CDH18: variants seen among roughly 807,000 people sequenced by gnomAD.
The protein encoded by CDH18 is cadherin 18, also known as cadherin-18.
In CDH18, 31 loss-of-function variants were observed where a neutral mutation model predicts 67.9. The observed-to-expected ratio is 0.46, with a 90% CI of 0.34 to 0.62. The LOEUF is 0.62. CDH18 is among the 20% of genes least tolerant of loss of function. The pLI is 0.01. For synonymous variants in CDH18, 362 were observed against 347.2 expected, an observed-to-expected ratio of 1.04 and a Z score of -0.48; for missense variants, 890 against 975.5, an observed-to-expected ratio of 0.91 and a Z score of 1.17.
At chr5:19,806,058 T>C (rs1030678850) in intron 3 of CDH18, among the ~76,000 whole-genome samples, 3 of 152,232 alleles carry the variant, frequency 2.0e-5, no homozygotes, top group Admixed American at 2.0e-4. Flanking sequence ...CCGTTACCCC[T>C]GTTTGTCCTT....
intron 1 of CDH18, among the ~76,000 whole-genome samples, chr5:20,318,071 A>G (rs998528866): frequency 2.6e-5 from 4 of 152,182 alleles, no homozygotes; most frequent in African/African-American, 7.2e-5. Flanking sequence ...TTTATTGAGC[A>G]TGGAGGTGCT....
intron 1 of CDH18, among the ~76,000 whole-genome samples, chr5:20,364,025 A>G (rs1329887775): frequency 6.6e-6 from 1 of 152,104 alleles, no homozygotes; most frequent in African/African-American, 2.4e-5. Flanking sequence ...AGGCTTCCCA[A>G]TGCCTTTCCA....
intron 8 of CDH18, among the ~76,000 whole-genome samples, chr5:19,558,197 A>G (rs1738788515): frequency 1.3e-5 from 2 of 152,226 alleles, no homozygotes; most frequent in East Asian, 3.9e-4. Context: ...AAAGTCTGAA[A>G]GGGTACAAAT....
At chr5:19,559,646 G>A (rs1021899794) in intron 8 of CDH18, among the ~76,000 whole-genome samples, 2 of 151,934 alleles carry the variant, frequency 1.3e-5, no homozygotes, top group African/African-American at 4.8e-5. Context: ...TCAAGTAGCA[G>A]AAGTCCTAGC....
At chr5:20,053,892 G>A (rs1580132468) in intron 2 of CDH18, among the ~76,000 whole-genome samples, 2 of 152,076 alleles carry the variant, frequency 1.3e-5, no homozygotes, top group African/African-American at 2.4e-5. Flanking sequence ...GCTTCAAGGT[G>A]AGACAATGCT....
chr5:20,070,373 T>C (rs953103870), intron 2 of CDH18, among the ~76,000 whole-genome samples: 2 of 152,180 alleles, frequency 1.3e-5, no homozygotes, highest in African/African-American at 4.8e-5. Flanking sequence ...TTTGGTAAGA[T>C]TATTGTCTGC....
chr5:20,465,319 A>G (rs1751562831), intron 1 of CDH18, among the ~76,000 whole-genome samples: 1 of 152,072 alleles, frequency 6.6e-6, no homozygotes, highest in African/African-American at 2.4e-5. Flanking sequence ...TGCTAATAAT[A>G]ATAACAGCAT....
intron 5 of CDH18, among the ~76,000 whole-genome samples, chr5:19,668,156 G>A (rs1758225637): frequency 6.6e-6 from 1 of 152,000 alleles, no homozygotes; most frequent in Non-Finnish European, 1.5e-5. Context: ...TGCTTGGGCA[G>A]TTACAAATTA....
chr5:20,182,210 T>C (rs1037108214), intron 2 of CDH18, among the ~76,000 whole-genome samples: 6 of 152,148 alleles, frequency 3.9e-5, no homozygotes, highest in African/African-American at 1.4e-4. Flanking sequence ...TTGTTTTTTT[T>C]TGCTTTCATA....
At chr5:20,143,424 G>T (rs1750396976) in intron 2 of CDH18, among the ~76,000 whole-genome samples, 1 of 151,998 alleles carries the variant, frequency 6.6e-6, no homozygotes, top group Non-Finnish European at 1.5e-5. Context: ...CTGGAGTGCA[G>T]TGACACAATC....
intron 2 of CDH18, among the ~76,000 whole-genome samples, chr5:20,035,864 T>C (rs547653137): frequency 1.3e-5 from 2 of 152,046 alleles, no homozygotes; most frequent in African/African-American, 2.4e-5. Context: ...CTAATAACTA[T>C]TATTTGTTGT....
chr5:20,433,390 A>G (rs974781091), intron 1 of CDH18, among the ~76,000 whole-genome samples: 1 of 152,050 alleles, frequency 6.6e-6, no homozygotes, highest in Non-Finnish European at 1.5e-5. Flanking sequence ...TGTTTTCTAC[A>G]TAAAGTATTG....
chr5:20,165,348 A>T (rs1736203071), intron 2 of CDH18, among the ~76,000 whole-genome samples: 1 of 152,056 alleles, frequency 6.6e-6, no homozygotes, highest in African/African-American at 2.4e-5. Flanking sequence ...CACTTTGAGG[A>T]TAGAGAAATG....
chr5:19,517,687 G>T (rs1053579311), intron 10 of CDH18, among the ~76,000 whole-genome samples: 2 of 151,890 alleles, frequency 1.3e-5, no homozygotes, highest in African/African-American at 4.8e-5. Context: ...TTGAGTGTTT[G>T]GCTTGATATT....
chr5:20,235,505 C>T (rs565264764), intron 2 of CDH18, among the ~76,000 whole-genome samples: 86 of 152,156 alleles, frequency 5.7e-4, no homozygotes, highest in Admixed American at 3.2e-3. Flanking sequence ...ATACAAACAA[C>T]GAACAAACAC....
At chr5:20,249,587 G>A (rs981962970) in intron 2 of CDH18, among the ~76,000 whole-genome samples, 2 of 151,654 alleles carry the variant, frequency 1.3e-5, no homozygotes, top group Non-Finnish European at 2.9e-5. Flanking sequence ...TTTCACCGTG[G>A]TCTCGATTTC....
Position 19,965,047 on chromosome 5 carries a change from A to C in CDH18, c.-257+16013T>G, listed in dbSNP as rs1378838535. ...TAAAATGGTTGTACTTATAGAGTAC[A>C]TTTGCTTAAAGGAATATTTATCAAA... On this transcript the variant is annotated intron_variant, in intron 2 of 12. Transcript: ENST00000382275. 6.6e-5 allele frequency among the ~76,000 whole-genome samples: 10 copies of C among 152,174 alleles called. No homozygotes were observed. In the East Asian group the frequency reaches 1.9e-3, roughly 29 times the overall value.
chr5:20,086,169 A>G (rs1744933001), intron 2 of CDH18, among the ~76,000 whole-genome samples: 1 of 152,220 alleles, frequency 6.6e-6, no homozygotes, highest in Non-Finnish European at 1.5e-5. Context: ...TTGATAGATG[A>G]TCAAACTAGC....
intron 2 of CDH18, among the ~76,000 whole-genome samples, chr5:20,236,143 C>A (rs1028451518): frequency 3.9e-5 from 6 of 151,908 alleles, no homozygotes; most frequent in Admixed American, 3.3e-4. Context: ...ACCTGGGTGA[C>A]AGAATTATTT....
Sources: allele counts gnomAD v4.1 joint callset (sites outside exome capture counted in the v4.1 genomes callset), GRCh38; gene constraint gnomAD v4.1.1; transcripts MANE v1.5; gene names NCBI Gene and HGNC (gene_info 2026-07-23, HGNC 2026-07-21).